The following ZBTB20 variants were observed in gnomAD, a reference collection of about 807,000 sequenced individuals.
ZBTB20 encodes the protein zinc finger and BTB domain containing 20, also known as zinc finger and BTB domain-containing protein 20.
Under a neutral mutation model 56.9 loss-of-function variants are expected in ZBTB20, and 9 were observed. The observed-to-expected ratio is 0.16, with a 90% CI of 0.10 to 0.28. ZBTB20 has a LOEUF of 0.28. Among genes scored for constraint, ZBTB20 ranks in the 10% least tolerant of loss-of-function variants. The pLI, the probability that ZBTB20 is intolerant of heterozygous loss-of-function variation, is 1.00. For synonymous variants in ZBTB20, 417 were observed against 420.7 expected (o/e 0.99, Z 0.11); for missense variants, 655 against 1,003.0 (o/e 0.65, Z 4.69).
chr3:114,788,341 C>A (rs777511478), intron 5 of ZBTB20, among the ~76,000 whole-genome samples: 2 of 152,096 alleles, frequency 1.3e-5, no homozygotes, highest in South Asian at 4.1e-4. Context: ...AACTGTGTAA[C>A]CATTACATAA....
At chr3:114,566,449 G>A (rs2052766685) in intron 6 of ZBTB20, among the ~76,000 whole-genome samples, 1 of 152,186 alleles carries the variant, frequency 6.6e-6, no homozygotes, top group Admixed American at 6.5e-5. Flanking sequence ...AGCAAGGACT[G>A]TAGTTGCTAC....
intron 4 of ZBTB20, among the ~76,000 whole-genome samples, chr3:114,899,147 A>G (rs1297871399): frequency 6.6e-6 from 1 of 152,128 alleles, no homozygotes; most frequent in Non-Finnish European, 1.5e-5. Flanking sequence ...TATTCCATAA[A>G]ATCTACATCT....
chr3:114,509,462 G>A (rs943293844), intron 6 of ZBTB20, among the ~76,000 whole-genome samples: 9 of 149,136 alleles, frequency 6.0e-5, no homozygotes, highest in African/African-American at 1.7e-4. Flanking sequence ...GGCAAATTCC[G>A]TCCTAGATGC....
chr3:114,353,051 A>C (rs916107272), intron 10 of ZBTB20, among the ~76,000 whole-genome samples: 1 of 152,236 alleles, frequency 6.6e-6, no homozygotes, highest in East Asian at 1.9e-4. Flanking sequence ...CTACAGCAGT[A>C]GATCTTAGGG....
chr3:114,784,624 T>C (rs953936895), intron 5 of ZBTB20, among the ~76,000 whole-genome samples: 1 of 152,188 alleles, frequency 6.6e-6, no homozygotes, highest in Non-Finnish European at 1.5e-5. Context: ...TTTAAGTTAA[T>C]CAATATTATA....
intron 4 of ZBTB20, among the ~76,000 whole-genome samples, chr3:114,829,413 G>T (rs2073721911): frequency 6.6e-6 from 1 of 151,768 alleles, no homozygotes; most frequent in South Asian, 2.1e-4. Context: ...TAGGAAAAAA[G>T]AAAACATTTA....
chr3:114,991,199 G>C (rs561440289), intron 2 of ZBTB20, among the ~76,000 whole-genome samples: 3 of 151,960 alleles, frequency 2.0e-5, no homozygotes, highest in Admixed American at 6.6e-5. Flanking sequence ...TGTGATGTTC[G>C]GGTGTCAATT....
intron 2 of ZBTB20, among the ~76,000 whole-genome samples, chr3:115,040,759 T>C (rs963753678): frequency 7.2e-5 from 11 of 152,142 alleles, no homozygotes; most frequent in African/African-American, 2.7e-4. Context: ...AGACAATATA[T>C]GTGCATCATG....
chr3:114,451,977 C>G (rs979578057), intron 7 of ZBTB20, among the ~76,000 whole-genome samples: 1 of 152,100 alleles, frequency 6.6e-6, no homozygotes, highest in South Asian at 2.1e-4. Flanking sequence ...TCAAGAAGAG[C>G]TAGTGCAGCT....
chr3:115,008,877 C>A (rs907653250), intron 2 of ZBTB20, among the ~76,000 whole-genome samples: 1 of 152,034 alleles, frequency 6.6e-6, no homozygotes, highest in South Asian at 2.1e-4. Flanking sequence ...TCTTTCTCAG[C>A]TGCTTTCTAA....
chr3:114,575,940 T>C (rs1451209558), intron 6 of ZBTB20, among the ~76,000 whole-genome samples: 3 of 152,218 alleles, frequency 2.0e-5, no homozygotes, highest in Non-Finnish European at 4.4e-5. Flanking sequence ...AAAAGGTATT[T>C]ATTAAATCAT....
Position 114,786,069 on chromosome 3 carries a change from C to T in ZBTB20, c.-343+15032G>A, listed in dbSNP as rs185252324. ...GGTTTGTTACATAGGCAAACGTGTG[C>T]CATGGTAGTGAACAGCCATGTTTTC... is the stretch of plus-strand genomic sequence containing the variant. On this transcript the variant is annotated intron_variant, in intron 5 of 11. Transcript: ENST00000675478. 5.9e-3 allele frequency among the ~76,000 whole-genome samples: 895 copies of T among 152,080 alleles called. 8 individuals are homozygous for T. The highest frequency in any genetic ancestry group is 0.02 in the African/African-American group (828 of 41,486).
At chr3:114,551,277 G>A (rs536514056) in intron 6 of ZBTB20, among the ~76,000 whole-genome samples, 8 of 152,252 alleles carry the variant, frequency 5.3e-5, no homozygotes, top group East Asian at 3.9e-4. Flanking sequence ...TTCAATTTGC[G>A]TAACGATATT....
chr3:114,758,733 T>C lies in ZBTB20; in HGVS notation c.-343+42368A>G, dbSNP rs980724886. On this transcript the variant is annotated intron_variant, in intron 5 of 11. Transcript: ENST00000675478. ...ATTCTCACGTCTCTAACTTTCACAATAAATGCAGCACTGAAACTAAATTTC... is the reference window on the plus strand; with the variant it reads ...ATTCTCACGTCTCTAACTTTCACAACAAATGCAGCACTGAAACTAAATTTC... Among the ~76,000 whole-genome samples, 5 of 152,166 alleles carry C rather than the reference T, an allele frequency of 3.3e-5. No individual in the cohort carries two copies. In the East Asian group the frequency reaches 7.7e-4, roughly 23 times the overall value.
chr3:114,874,376 G>T (rs1289976280), intron 4 of ZBTB20, among the ~76,000 whole-genome samples: 1 of 152,066 alleles, frequency 6.6e-6, no homozygotes, highest in East Asian at 1.9e-4. Context: ...GAATACAAAG[G>T]GCATTCTTAA....
At chr3:114,398,372 T>A (rs1239499289) in intron 7 of ZBTB20, among the ~76,000 whole-genome samples, 1 of 152,148 alleles carries the variant, frequency 6.6e-6, no homozygotes, top group East Asian at 1.9e-4. Flanking sequence ...ATGGATGGCA[T>A]TAAGACATGA....
intron 5 of ZBTB20, among the ~76,000 whole-genome samples, chr3:114,718,748 T>C (rs2064692590): frequency 6.6e-6 from 1 of 151,870 alleles, no homozygotes; most frequent in African/African-American, 2.4e-5. Context: ...CACTTAGGAG[T>C]AGACTCTGGC....
chr3:114,989,588 T>C (rs976439799), intron 2 of ZBTB20, among the ~76,000 whole-genome samples: 2 of 152,186 alleles, frequency 1.3e-5, no homozygotes, highest in Admixed American at 6.5e-5. Context: ...ATGTGGGCTC[T>C]TTTTTGGTTC....
chr3:115,098,794 C>T (rs2083472364), intron 1 of ZBTB20, among the ~76,000 whole-genome samples: 2 of 152,044 alleles, frequency 1.3e-5, no homozygotes, highest in Non-Finnish European at 1.5e-5. Flanking sequence ...AAGAATATTG[C>T]TTTATGGACT....
Sources: gnomAD v4.1 joint callset for allele counts (sites outside exome capture counted in the v4.1 genomes callset) on GRCh38, gnomAD v4.1.1 for gene constraint, MANE v1.5 for transcripts, NCBI Gene and HGNC (gene_info 2026-07-23, HGNC 2026-07-21) for gene names.